The following CDK14 variants were observed in gnomAD, a reference collection of about 807,000 sequenced individuals.
CDK14 encodes cyclin-dependent kinase 14.
A neutral mutation model predicts 60.7 loss-of-function variants in CDK14; 34 were observed. The observed-to-expected ratio is 0.56, with a 90% CI of 0.43 to 0.75. The LOEUF is 0.75. Ranked by LOEUF, CDK14 falls within the 30% of genes least tolerant of loss-of-function variation. CDK14 has a pLI of 0.00. For missense variants in CDK14, 482 were observed against 564.1 expected, an observed-to-expected ratio of 0.85 and a Z score of 1.47; for synonymous variants, 197 against 203.7, an observed-to-expected ratio of 0.97 and a Z score of 0.28.
At chr7:91,053,806 C>CG (rs576416302) in intron 11 of CDK14, among the ~76,000 whole-genome samples, 71 of 152,022 alleles carry the variant, frequency 4.7e-4, no homozygotes, top group South Asian at 1.7e-3. Flanking sequence ...AGGAAGACTG[C>CG]GGGGGGGCTC....
chr7:90,982,892 A>G (rs1384460751), intron 9 of CDK14, among the ~76,000 whole-genome samples: 2 of 152,136 alleles, frequency 1.3e-5, no homozygotes, highest in African/African-American at 2.4e-5. Context: ...GGCAAAAGAC[A>G]TGAACAGGCA....
intron 10 of CDK14, among the ~76,000 whole-genome samples, chr7:91,003,222 A>G (rs779121488): frequency 1.3e-5 from 2 of 152,164 alleles, no homozygotes; most frequent in Non-Finnish European, 2.9e-5. Context: ...TCCTCATCCC[A>G]TGCATCAGAT....
At position 90,759,290 on chromosome 7, in the gene CDK14, C is replaced by G. The variant is rs1363992184; in HGVS notation, c.464+11515C>G. Among the ~76,000 whole-genome samples the G allele has an allele frequency of 2.0e-5, 3 of 152,080 alleles. No homozygotes were observed. The East Asian group carries it at 5.8e-4, about 29-fold the overall frequency. On this transcript the variant is annotated intron_variant, in intron 4 of 14. Coordinates refer to ENST00000380050, the MANE Select transcript of CDK14 (RefSeq NM_001287135.2). ...CCCTTTTGGGGCTTACTCCTTCCCC[C>G]CAAGCAAATATAATGAGATATTCAC...
intron 9 of CDK14, among the ~76,000 whole-genome samples, chr7:90,960,752 A>G (rs1017652876): frequency 6.6e-6 from 1 of 152,172 alleles, no homozygotes; most frequent in African/African-American, 2.4e-5. Flanking sequence ...GGAAATGTAT[A>G]TAATAAAATA....
intron 6 of CDK14, among the ~76,000 whole-genome samples, chr7:90,872,025 A>G (rs776174091): frequency 1.3e-5 from 2 of 152,200 alleles, no homozygotes; most frequent in Non-Finnish European, 2.9e-5. Context: ...TTTTCCCTCC[A>G]ACATATACGG....
intron 8 of CDK14, among the ~76,000 whole-genome samples, chr7:90,951,543 T>C (rs754987527): frequency 6.6e-6 from 1 of 152,214 alleles, no homozygotes; most frequent in African/African-American, 2.4e-5. Context: ...GGAATGATCA[T>C]TTCTGAACCT....
intron 14 of CDK14, among the ~76,000 whole-genome samples, chr7:91,118,733 A>G (rs1436670332): frequency 6.6e-6 from 1 of 152,242 alleles, no homozygotes; most frequent in Non-Finnish European, 1.5e-5. Flanking sequence ...TAGACTCCCC[A>G]GTTTAGTTTA....
At chr7:90,966,222 TA>T (rs570299008) in intron 9 of CDK14, among the ~76,000 whole-genome samples, 28 of 151,838 alleles carry the variant, frequency 1.8e-4, no homozygotes, top group African/African-American at 7.2e-5. Flanking sequence ...ACCTTCTATT[TA>T]AAAAAAAATC....
chr7:90,750,201 C>CACACACA (rs1210455071), intron 4 of CDK14, among the ~76,000 whole-genome samples: 1 of 78,568 alleles, frequency 1.3e-5, no homozygotes, highest in African/African-American at 5.0e-5. Context: ...CACACACACA[C>CACACACA]CAATAATATT....
At position 90,730,326 on chromosome 7, in the gene CDK14, G is replaced by A. The variant is rs559493816; in HGVS notation, c.369+3514G>A. On this transcript the variant is annotated intron_variant, in intron 3 of 14. Transcript: ENST00000380050. ...TGCTGCAGTAAACATACGTGTGCAT[G>A]TGTCTTTATAGCAGAATGATTTACA... Among the ~76,000 whole-genome samples, 4 of 152,298 alleles carry A rather than the reference G, an allele frequency of 2.6e-5. No individual in the cohort carries two copies. The East Asian group carries it at 7.7e-4, about 29-fold the overall frequency.
chr7:90,649,606 C>G (rs1227385095), intron 2 of CDK14, among the ~76,000 whole-genome samples: 1 of 151,422 alleles, frequency 6.6e-6, no homozygotes, highest in African/African-American at 2.4e-5. Context: ...GCTCTCCCTC[C>G]CCCTGCACCC....
intron 10 of CDK14, among the ~76,000 whole-genome samples, chr7:91,016,465 G>T (rs1349184887): frequency 6.6e-6 from 1 of 152,096 alleles, no homozygotes; most frequent in Admixed American, 6.5e-5. Flanking sequence ...CTTAAATTTA[G>T]ATTATACCCT....
chr7:90,995,094 G>A (rs549844757), intron 10 of CDK14, among the ~76,000 whole-genome samples: 42 of 152,266 alleles, frequency 2.8e-4, no homozygotes, highest in Middle Eastern at 3.4e-3. Flanking sequence ...GCTGGACCTC[G>A]TTACTCACTT....
chr7:90,630,881 G>GGTGTGTGTGTGTGT lies in CDK14; in HGVS notation c.123+26638_123+26639insGTGTGTGTGTGTGT, dbSNP rs1160442832. On this transcript the variant is annotated intron_variant, in intron 2 of 14. Coordinates refer to ENST00000380050, the MANE Select transcript of CDK14 (RefSeq NM_001287135.2). Reference sequence around the variant, plus strand: ...TTATCTCTGAGTATTTACATCTTGGGGTGTGTATGTGTGTGTGTGTGTGTG... The same window carrying GGTGTGTGTGTGTGT: ...TTATCTCTGAGTATTTACATCTTGGGGTGTGTGTGTGTGTGTGTGTATGTGTGTGTGTGTGTGTG... 2.9e-3 allele frequency among the ~76,000 whole-genome samples: 229 copies of GGTGTGTGTGTGTGT among 78,888 alleles called. 1 individual carries two copies. The East Asian group carries it at 0.033, about 11-fold the overall frequency. 51.8% of individuals were successfully genotyped at this position (78,888 alleles called of 152,430 possible).
intron 8 of CDK14, 39 bp from the exon 9 acceptor site, chr7:90,955,658 A>G: frequency 6.2e-7 from 1 of 1,609,794 alleles, no homozygotes; most frequent in Non-Finnish European, 8.5e-7. Context: ...TGTTTTGCTA[A>G]TGCCTGTTAA....
chr7:90,746,533 A>G (rs887830714), intron 3 of CDK14, among the ~76,000 whole-genome samples: 2 of 152,248 alleles, frequency 1.3e-5, no homozygotes, highest in Non-Finnish European at 2.9e-5. Context: ...TTATATTGGA[A>G]TAAATCTCTT....
At chr7:91,131,271 C>T (rs28505632) in intron 14 of CDK14, among the ~76,000 whole-genome samples, 4,060 of 152,010 alleles carry the variant, frequency 0.027, 154 homozygotes, top group East Asian at 0.18. Flanking sequence ...CAGAATGTCC[C>T]TCATGATGTT....
intron 14 of CDK14, among the ~76,000 whole-genome samples, chr7:91,121,340 A>T (rs1351357626): frequency 6.6e-6 from 1 of 152,184 alleles, no homozygotes; most frequent in Non-Finnish European, 1.5e-5. Flanking sequence ...AAGGAGACTA[A>T]AACTGGGCCG....
intron 11 of CDK14, among the ~76,000 whole-genome samples, chr7:91,056,583 G>A (rs190492707): frequency 0.012 from 1,158 of 94,662 alleles, 14 homozygotes; most frequent in African/African-American, 0.045. Flanking sequence ...AACAGGCCCC[G>A]GCGTGTGATG....
Sources: gnomAD v4.1 joint callset for allele counts (sites outside exome capture counted in the v4.1 genomes callset) on GRCh38, gnomAD v4.1.1 for gene constraint, MANE v1.5 for transcripts, NCBI Gene and HGNC (gene_info 2026-07-23, HGNC 2026-07-21) for gene names.